Variants in SHB observed in about 807,000 individuals in gnomAD.
The protein encoded by SHB is SH2 domain-containing adapter protein B.
Under a neutral mutation model 52.3 loss-of-function variants are expected in SHB, and 20 were observed. That is an observed-to-expected ratio of 0.38 (90% CI 0.27 to 0.56). The LOEUF is 0.56. Ranked by LOEUF, SHB falls within the 20% of genes least tolerant of loss-of-function variation. The pLI, the probability that SHB is intolerant of heterozygous loss-of-function variation, is 0.71. For missense variants in SHB, 825 were observed against 723.3 expected (o/e 1.14, Z -1.61); for synonymous variants, 397 against 316.5 (o/e 1.25, Z -2.70).
At chr9:37,939,726 G>A (rs946452520) in intron 5 of SHB, among the ~76,000 whole-genome samples, 7 of 152,196 alleles carry the variant, frequency 4.6e-5, no homozygotes, top group African/African-American at 1.7e-4. Flanking sequence ...ACCCCACAAG[G>A]TAGAAAGAGG....
chr9:37,970,071 A>G (rs1820573629), intron 3 of SHB, among the ~76,000 whole-genome samples: 1 of 152,162 alleles, frequency 6.6e-6, no homozygotes, highest in African/African-American at 2.4e-5. Flanking sequence ...AAGCCACATC[A>G]CTTCCCTGTG....
At chr9:38,017,535 C>T (rs1821228911) in intron 1 of SHB, among the ~76,000 whole-genome samples, 1 of 152,252 alleles carries the variant, frequency 6.6e-6, no homozygotes, top group Non-Finnish European at 1.5e-5. Flanking sequence ...CAGGCGGCAG[C>T]TCTGTCCCTG....
At chr9:38,031,641 T>TC (rs1407813929) in intron 1 of SHB, among the ~76,000 whole-genome samples, 1 of 152,176 alleles carries the variant, frequency 6.6e-6, no homozygotes, top group Non-Finnish European at 1.5e-5. Context: ...CCACCCTGTG[T>TC]CCCTTCCGCT....
chr9:38,056,821 T>TA (rs773368245), intron 1 of SHB, among the ~76,000 whole-genome samples: 16 of 152,326 alleles, frequency 1.1e-4, no homozygotes, highest in Non-Finnish European at 1.8e-4. Flanking sequence ...AAAGAGTTCT[T>TA]ACAAATCAAC....
At chr9:38,028,197 GA>G (rs1821368780) in intron 1 of SHB, among the ~76,000 whole-genome samples, 1 of 152,218 alleles carries the variant, frequency 6.6e-6, no homozygotes, top group Admixed American at 6.5e-5. Context: ...CCTCCCCGAG[GA>G]AGCACATGGA....
At chr9:38,004,009 C>A (rs1821050267) in intron 2 of SHB, among the ~76,000 whole-genome samples, 1 of 152,162 alleles carries the variant, frequency 6.6e-6, no homozygotes, top group Non-Finnish European at 1.5e-5. Context: ...CCATGTGCTT[C>A]CCTCAGCCCA....
chr9:38,061,567 T>C (rs921396481), intron 1 of SHB, among the ~76,000 whole-genome samples: 27 of 152,362 alleles, frequency 1.8e-4, no homozygotes, highest in African/African-American at 4.6e-4. Context: ...CCTTGCTGAC[T>C]GATCAGAAGA....
chr9:38,033,681 C>G (rs537705597), intron 1 of SHB, among the ~76,000 whole-genome samples: 11 of 152,216 alleles, frequency 7.2e-5, no homozygotes. Flanking sequence ...CAGGTGGTCC[C>G]GAGTTTCCCA....
At chr9:38,056,316 A>G (rs1821815119) in intron 1 of SHB, among the ~76,000 whole-genome samples, 1 of 152,186 alleles carries the variant, frequency 6.6e-6, no homozygotes, top group Admixed American at 6.5e-5. Context: ...AGAAGAAAAT[A>G]TAAATACTAC....
intron 4 of SHB, among the ~76,000 whole-genome samples, chr9:37,954,181 C>T (rs552194148): frequency 3.3e-5 from 5 of 152,230 alleles, no homozygotes; most frequent in Admixed American, 2.6e-4. Flanking sequence ...AAATGATTCA[C>T]AGCACCGGCT....
intron 5 of SHB, among the ~76,000 whole-genome samples, chr9:37,929,126 C>A (rs1373392081): frequency 6.6e-6 from 1 of 152,250 alleles, no homozygotes; most frequent in African/African-American, 2.4e-5. Context: ...TGAGTCCCTG[C>A]CCTGAACTGT....
intron 5 of SHB, among the ~76,000 whole-genome samples, chr9:37,944,187 C>A (rs936064765): frequency 6.6e-6 from 1 of 152,150 alleles, no homozygotes; most frequent in African/African-American, 2.4e-5. Context: ...CAGGTAGGGG[C>A]CCCTGCCATG....
At chr9:37,985,694 TC>T (rs1314400241) in intron 2 of SHB, among the ~76,000 whole-genome samples, 2 of 152,212 alleles carry the variant, frequency 1.3e-5, no homozygotes, top group Non-Finnish European at 2.9e-5. Flanking sequence ...CTGTTTTTCT[TC>T]CTCGAATACC....
At chr9:37,929,335 G>A (rs1880885) in intron 5 of SHB, among the ~76,000 whole-genome samples, 3 of 152,380 alleles carry the variant, frequency 2.0e-5, no homozygotes, top group South Asian at 4.1e-4. Flanking sequence ...TAAGCATGAC[G>A]TGAAACAGGG....
At chr9:37,972,600 G>A (rs1455062013) in intron 3 of SHB, among the ~76,000 whole-genome samples, 1 of 152,216 alleles carries the variant, frequency 6.6e-6, no homozygotes, top group Non-Finnish European at 1.5e-5. Context: ...GGGGCAGCAG[G>A]AAGCCTGTGG....
chr9:38,065,838 C>G (rs1564114603), intron 1 of SHB, among the ~76,000 whole-genome samples: 2 of 152,182 alleles, frequency 1.3e-5, no homozygotes, highest in African/African-American at 4.8e-5. Flanking sequence ...CAATTTCAGC[C>G]ACAAGGGACT....
At chr9:37,977,158 A>T (rs189873802) in intron 2 of SHB, among the ~76,000 whole-genome samples, 2 of 152,276 alleles carry the variant, frequency 1.3e-5, no homozygotes, top group Non-Finnish European at 2.9e-5. Context: ...AAACTCATTT[A>T]AAAAAGAGAC....
intron 2 of SHB, among the ~76,000 whole-genome samples, chr9:38,008,813 G>C (rs1400588738): frequency 6.6e-6 from 1 of 152,256 alleles, no homozygotes; most frequent in Non-Finnish European, 1.5e-5. Flanking sequence ...GAGGCCTGGA[G>C]AGGGTGAGAG....
In SHB at chr9:37,915,988, C is replaced by A. The variant is rs1486763546; in HGVS notation, c.*3833G>T. Among the ~76,000 whole-genome samples, 2 of 152,242 alleles carry A rather than the reference C, an allele frequency of 1.3e-5. No homozygotes were observed. Among genetic ancestry groups the A allele is most frequent in the African/African-American group, 4.8e-5 (2 of 41,460 alleles). ...CATAGATTTGGAATGTTACAAGAGA[C>A]TTCAGCAGTAGGTGGCTGGTTTAAG... On this transcript the variant is annotated 3_prime_UTR_variant, in exon 6 of 6. Transcript: ENST00000377707.
Sources: allele counts gnomAD v4.1 joint callset (sites outside exome capture counted in the v4.1 genomes callset), GRCh38; gene constraint gnomAD v4.1.1; transcripts MANE v1.5; gene names NCBI Gene and HGNC (gene_info 2026-07-23, HGNC 2026-07-21).